SNTB2: variants seen among roughly 807,000 people sequenced by gnomAD.
The protein encoded by SNTB2 is syntrophin beta 2.
A neutral mutation model predicts 46.2 loss-of-function variants in SNTB2; 34 were observed. That is an observed-to-expected ratio of 0.74 (90% confidence interval 0.56 to 0.98). The LOEUF is 0.98. Among genes scored for constraint, SNTB2 ranks in the 50% least tolerant of loss-of-function variants. SNTB2 has a pLI of 0.00. For missense variants in SNTB2, 603 were observed against 731.4 expected, an observed-to-expected ratio of 0.82 and a Z score of 2.02; for synonymous variants, 290 against 312.6, an observed-to-expected ratio of 0.93 and a Z score of 0.76.
chr16:69,276,531 G>A (rs1432619562), intron 4 of SNTB2, among the ~76,000 whole-genome samples: 1 of 152,164 alleles, frequency 6.6e-6, no homozygotes, highest in African/African-American at 2.4e-5. Context: ...CCAACACTTT[G>A]TCTTACTTGG....
rs762202833 is a variant in SNTB2 at position 69,300,896 on chromosome 16, A to G, written c.1595A>G (p.Lys532Arg). Residue 532 changes from lysine to arginine, a missense_variant, in exon 7 of 7, where the codon AAA (lysine) becomes AGA (arginine). This residue lies in a region of SNTB2 where 537 missense variants were observed against 692.4 expected (regional missense o/e 0.78). Transcript: ENST00000336278. ...VFVLHTFLSA[K>R]VTRMGLLV The stretch of plus-strand genomic sequence containing the variant: ...GTGTTGCACACGTTTTTATCGGCCA[A>G]AGTCACTCGTATGGGACTGCTTGTA... 30 of 1,613,706 alleles carry G rather than the reference A, an allele frequency of 1.9e-5. No homozygotes were observed. Among genetic ancestry groups the G allele is most frequent in the South Asian group, 2.2e-5 (2 of 91,080 alleles).
chr16:69,194,890 A>T (rs907446786), intron 1 of SNTB2, among the ~76,000 whole-genome samples: 12 of 152,252 alleles, frequency 7.9e-5, no homozygotes, highest in Admixed American at 7.9e-4. Flanking sequence ...AGAAGATAAT[A>T]TAGATTAAAG....
rs563360650 is a variant in SNTB2 at position 69,235,539 on chromosome 16, G to A, written c.581-10063G>A. Among the ~76,000 whole-genome samples, 126 of 152,178 alleles carry A rather than the reference G, an allele frequency of 8.3e-4. 1 individual carries two copies. The highest frequency in any genetic ancestry group is 4.8e-3 in the South Asian group (23 of 4,822). On this transcript the variant is annotated intron_variant, in intron 1 of 6. Coordinates refer to ENST00000336278, the MANE Select transcript of SNTB2 (RefSeq NM_006750.4). ...TTTAGAGACTTTAATCACTGTAAAT[G>A]TCCTTCAGAATACCTGCGAGAGTCC... is the stretch of plus-strand genomic sequence containing the variant.
chr16:69,247,044 A>G (rs1964677265), intron 2 of SNTB2, among the ~76,000 whole-genome samples: 1 of 147,358 alleles, frequency 6.8e-6, no homozygotes, highest in Admixed American at 6.7e-5. Context: ...AACTTAAAGT[A>G]TAATAAAAAA....
At chr16:69,272,564 A>G (rs1348017945) in intron 4 of SNTB2, among the ~76,000 whole-genome samples, 1 of 149,286 alleles carries the variant, frequency 6.7e-6, no homozygotes, top group African/African-American at 2.5e-5. Context: ...AAAAAGAGAT[A>G]ATTATTCCAA....
intron 5 of SNTB2, among the ~76,000 whole-genome samples, chr16:69,296,135 G>A (rs1365465438): frequency 1.3e-5 from 2 of 151,830 alleles, no homozygotes; most frequent in Admixed American, 6.6e-5. Flanking sequence ...CAAAAAATTA[G>A]CCAGGCGTGG....
chr16:69,202,024 A>T (rs2152290113), intron 1 of SNTB2, among the ~76,000 whole-genome samples: 1 of 152,290 alleles, frequency 6.6e-6, no homozygotes, highest in South Asian at 2.1e-4. Flanking sequence ...TGTTTAGCTC[A>T]TCTGCACCTA....
At chr16:69,187,773 G>T in intron 1 of SNTB2, 27 bp downstream of exon 1, 2 of 331,856 alleles carry the variant, frequency 6.0e-6, no homozygotes, top group East Asian at 9.7e-5. Context: ...GGGAGGGTGG[G>T]CAGGCCGCGG....
chr16:69,280,381 C>T (rs1965028486), intron 4 of SNTB2, among the ~76,000 whole-genome samples: 1 of 152,374 alleles, frequency 6.6e-6, no homozygotes, highest in East Asian at 1.9e-4. Flanking sequence ...GTTGGGTACA[C>T]CTCCCAGACG....
At chr16:69,243,160 G>A (rs1396732583) in intron 1 of SNTB2, among the ~76,000 whole-genome samples, 1 of 151,936 alleles carries the variant, frequency 6.6e-6, no homozygotes, top group African/African-American at 2.4e-5. Context: ...CAGGAAAAAT[G>A]AAATGATTCT....
intron 1 of SNTB2, among the ~76,000 whole-genome samples, chr16:69,197,514 TATTC>T (rs1964116682): frequency 6.6e-6 from 1 of 152,246 alleles, no homozygotes; most frequent in Admixed American, 6.5e-5. Context: ...GTAATAATTG[TATTC>T]ATTATCTGCA....
chr16:69,189,900 C>T (rs1409535787), intron 1 of SNTB2, among the ~76,000 whole-genome samples: 2 of 152,194 alleles, frequency 1.3e-5, no homozygotes, highest in African/African-American at 2.4e-5. Context: ...CGCATAATAA[C>T]ATGTTTATTG....
intron 1 of SNTB2, among the ~76,000 whole-genome samples, chr16:69,189,885 A>T (rs2152288052): frequency 6.6e-6 from 1 of 152,348 alleles, no homozygotes; most frequent in Non-Finnish European, 1.5e-5. Context: ...TTTTAGAAAG[A>T]TGGCCGCATA....
At chr16:69,209,900 C>G (rs1171938004) in intron 1 of SNTB2, among the ~76,000 whole-genome samples, 1 of 151,894 alleles carries the variant, frequency 6.6e-6, no homozygotes, top group Non-Finnish European at 1.5e-5. Context: ...AGTTCCCATT[C>G]AAAATGCTAA....
intron 5 of SNTB2, among the ~76,000 whole-genome samples, chr16:69,295,838 AG>A (rs1320167987): frequency 6.6e-6 from 1 of 152,154 alleles, no homozygotes; most frequent in African/African-American, 2.4e-5. Flanking sequence ...TAAAAGGGTA[AG>A]GGGTGTCAGG....
At chr16:69,199,914 A>G (rs1408375711) in intron 1 of SNTB2, among the ~76,000 whole-genome samples, 2 of 152,104 alleles carry the variant, frequency 1.3e-5, no homozygotes, top group Admixed American at 6.6e-5. Context: ...TACTGGGAAG[A>G]CAGAGACTTT....
rs529720745 is a variant in SNTB2, at chr16:69,232,751, C to T, written c.581-12851C>T. 3.3e-5 allele frequency among the ~76,000 whole-genome samples: 5 copies of T among 151,940 alleles called. No homozygotes were observed. In the East Asian group the frequency reaches 7.7e-4, roughly 23 times the overall value. On this transcript the variant is annotated intron_variant, in intron 1 of 6. Coordinates refer to ENST00000336278, the MANE Select transcript of SNTB2 (RefSeq NM_006750.4). ...GGTCTCGATTTCTTGACTTCGTGATCCGCCCACCTCAGCCTCCCAAAGTAC... is the reference window on the plus strand; with the variant it reads ...GGTCTCGATTTCTTGACTTCGTGATTCGCCCACCTCAGCCTCCCAAAGTAC...
At chr16:69,205,974 A>AACTCTTTGCTCCC (rs1346964960) in intron 1 of SNTB2, among the ~76,000 whole-genome samples, 1 of 152,138 alleles carries the variant, frequency 6.6e-6, no homozygotes, top group Non-Finnish European at 1.5e-5. Flanking sequence ...GGAATGTAGG[A>AACTCTTTGCTCCC]ACTCTTTGCT....
rs568438984 is a variant in SNTB2, at chr16:69,200,018, G to A, written c.580+12272G>A. Among the ~76,000 whole-genome samples the A allele has an allele frequency of 7.4e-4, 113 of 152,074 alleles. 1 individual carries two copies. The highest frequency in any genetic ancestry group is 1.8e-3 in the African/African-American group (73 of 41,478). On this transcript the variant is annotated intron_variant, in intron 1 of 6. Transcript: ENST00000336278. ...CAACCTCCATCTCCCGGGTTCAAGC[G>A]ATTCTCCTGCCGCAGCCTCTTGAGT...
Sources: allele counts gnomAD v4.1 joint callset (sites outside exome capture counted in the v4.1 genomes callset), GRCh38; gene constraint gnomAD v4.1.1; regional missense constraint gnomAD v4.1.1; transcripts MANE v1.5; gene names NCBI Gene and HGNC (gene_info 2026-07-23, HGNC 2026-07-21).